Variants in TENT5D observed in about 807,000 individuals in gnomAD.
TENT5D encodes terminal nucleotidyltransferase 5D.
For missense variants in TENT5D, 191 were observed against 287.0 expected (o/e 0.67, Z 2.42); for synonymous variants, 103 against 100.6 (o/e 1.02, Z -0.15).
intron 2 of TENT5D, among the ~76,000 whole-genome samples, chrX:80,335,872 GT>G (rs1443362031): frequency 1.8e-5 from 2 of 111,142 alleles, no homozygotes; most frequent in African/African-American, 6.5e-5. Flanking sequence ...AATAGGTAAA[GT>G]TTATGTGAAA....
rs1173897223 is a variant in TENT5D at position 80,428,780 on chromosome X, C to G, written c.-142+8217C>G. On this transcript the variant is annotated intron_variant, in intron 1 of 2. Coordinates refer to ENST00000308293, the Ensembl canonical transcript of TENT5D. ...CTTAATCCTTTTCTCACCTGGTGCT[C>G]TCATCACTTTTGATAAGGCTGACTT... 3.6e-5 allele frequency among the ~76,000 whole-genome samples: 4 copies of G among 112,101 alleles called. No individual in the cohort carries two copies. In the Admixed American group the frequency reaches 3.8e-4, roughly 11 times the overall value.
At chrX:80,430,286 G>A (rs2147564718) in intron 1 of TENT5D, among the ~76,000 whole-genome samples, 1 of 111,658 alleles carries the variant, frequency 9.0e-6, no homozygotes, top group African/African-American at 3.3e-5. Context: ...AACCCTAATA[G>A]TACCATGTCC....
upstream of TENT5D, among the ~76,000 whole-genome samples, chrX:80,416,475 G>T (rs2147557116): frequency 9.2e-6 from 1 of 108,546 alleles, no homozygotes; most frequent in Admixed American, 1.0e-4. Context: ...GTGTCCCAGG[G>T]ATTCTGGTAT....
chrX:80,382,436 C>T (rs371906485), intron 3 of TENT5D, among the ~76,000 whole-genome samples: 107 of 112,140 alleles, frequency 9.5e-4, no homozygotes, highest in Admixed American at 1.3e-3. Context: ...TTAGGCTACA[C>T]GGGGGTCAGG....
chrX:80,353,218 A>G (rs1930221366), intron 3 of TENT5D, among the ~76,000 whole-genome samples: 1 of 112,324 alleles, frequency 8.9e-6, no homozygotes, highest in South Asian at 3.6e-4. Flanking sequence ...GTTCTTTGTA[A>G]GATGTGTGAC....
chrX:80,411,414 C>G (rs1931663094), intron 3 of TENT5D, among the ~76,000 whole-genome samples: 1 of 111,502 alleles, frequency 9.0e-6, no homozygotes, highest in Non-Finnish European at 1.9e-5. Flanking sequence ...CTGTTTTATC[C>G]TAGACATTCG....
chrX:80,425,180 A>G (rs755564911), intron 1 of TENT5D, among the ~76,000 whole-genome samples: 4 of 112,636 alleles, frequency 3.6e-5, no homozygotes, highest in Admixed American at 9.4e-5. Context: ...CAAACAATAT[A>G]TTGTTAGAAG....
In TENT5D at chrX:80,394,391, C is replaced by CTTTT. The variant is rs35632962; in HGVS notation, c.-141-44199_-141-44196dup. ...GAGAAATGTCTATTCAGGTCCTTTC[C>CTTTT]TTTTTTTTTTTTTTTTTTTTTTTGA... is the stretch of plus-strand genomic sequence containing the variant. On this transcript the variant is annotated intron_variant, in intron 3 of 4. Transcript: ENST00000538312. 8.2e-4 allele frequency among the ~76,000 whole-genome samples: 30 copies of CTTTT among 36,664 alleles called. 1 individual carries two copies. The highest frequency in any genetic ancestry group is 1.4e-3 in the East Asian group (1 of 736). 31.8% of individuals were successfully genotyped at this position (36,664 alleles called of 115,157 possible). A position where few individuals can be genotyped will look rare whatever the true frequency, so the allele number is the denominator to read the frequency against.
chrX:80,376,485 T>A (rs771170828), intron 3 of TENT5D, among the ~76,000 whole-genome samples: 7 of 111,718 alleles, frequency 6.3e-5, no homozygotes, highest in Non-Finnish European at 1.3e-4. Context: ...CTAGGCCATC[T>A]TTGGTCAAAC....
chrX:80,367,918 ACT>A (rs1009922309), intron 3 of TENT5D, among the ~76,000 whole-genome samples: 1 of 111,044 alleles, frequency 9.0e-6, no homozygotes, highest in Admixed American at 9.6e-5. Flanking sequence ...AAATGAGTAA[ACT>A]CTAATATTTG....
At chrX:80,377,749 C>A (rs1356988828) in intron 3 of TENT5D, among the ~76,000 whole-genome samples, 1 of 111,519 alleles carries the variant, frequency 9.0e-6, no homozygotes, top group Non-Finnish European at 1.9e-5. Flanking sequence ...GGGTATATAC[C>A]CAGTAATGGG....
At chrX:80,433,030 C>G (rs1932116727) in intron 1 of TENT5D, among the ~76,000 whole-genome samples, 1 of 111,303 alleles carries the variant, frequency 9.0e-6, no homozygotes, top group African/African-American at 3.3e-5. Flanking sequence ...CTGGGACCAT[C>G]AGGAGCTGAA....
At chrX:80,425,601 A>C (rs187783723) in intron 1 of TENT5D, among the ~76,000 whole-genome samples, 12 of 112,863 alleles carry the variant, frequency 1.1e-4, no homozygotes, top group Non-Finnish European at 2.2e-4. Context: ...TACAGTTAGA[A>C]ACACAATTGT....
rs751822975 is a variant in TENT5D at position 80,443,016 on chromosome X, A to C, written c.477A>C (p.Leu159=). 95 of 1,209,809 alleles carry C rather than the reference A, an allele frequency of 7.9e-5. 1 individual carries two copies. Among genetic ancestry groups the C allele is most frequent in the Non-Finnish European group, 9.7e-5 (87 of 894,878 alleles). Residue 159 remains leucine, a synonymous_variant, in exon 3 of 3, where the codon CTA becomes CTC. Transcript: ENST00000308293. ...ATAACACTGGGAAGAATTTAGAACTAAAATTTGTGAGTTCACTCAGACGGC... is the reference window on the plus strand; with the variant it reads ...ATAACACTGGGAAGAATTTAGAACTCAAATTTGTGAGTTCACTCAGACGGC...
At chrX:80,364,470 T>G (rs947829899) in intron 3 of TENT5D, among the ~76,000 whole-genome samples, 7 of 110,933 alleles carry the variant, frequency 6.3e-5, no homozygotes, top group Non-Finnish European at 1.1e-4. Context: ...TATCTCTATT[T>G]AAAATGAAAT....
At chrX:80,408,952 A>T (rs971228177) in intron 3 of TENT5D, among the ~76,000 whole-genome samples, 6 of 111,252 alleles carry the variant, frequency 5.4e-5, no homozygotes, top group Admixed American at 3.8e-4. Context: ...ATATACGCAA[A>T]TCAATAAACG....
intron 3 of TENT5D, among the ~76,000 whole-genome samples, chrX:80,403,288 T>G (rs1931424510): frequency 8.9e-6 from 1 of 112,256 alleles, no homozygotes; most frequent in South Asian, 3.6e-4. Flanking sequence ...TTTAAAAAAA[T>G]GAATCTTACA....
chrX:80,398,191 A>G (rs1174217578), intron 3 of TENT5D, among the ~76,000 whole-genome samples: 1 of 111,790 alleles, frequency 8.9e-6, no homozygotes, highest in African/African-American at 3.3e-5. Context: ...TTTTTCAAGT[A>G]TCTGTTGGCC....
upstream of TENT5D, among the ~76,000 whole-genome samples, chrX:80,419,146 C>T (rs1162201638): frequency 9.0e-6 from 1 of 111,477 alleles, no homozygotes; most frequent in Non-Finnish European, 1.9e-5. Context: ...TTTTAGTTAT[C>T]ATTGCCATTT....
Sources: gnomAD v4.1 joint callset for allele counts (sites outside exome capture counted in the v4.1 genomes callset) on GRCh38, gnomAD v4.1.1 for gene constraint, MANE v1.5 for transcripts, NCBI Gene and HGNC (gene_info 2026-07-23, HGNC 2026-07-21) for gene names.